Variants in ADGRL2 observed in about 807,000 individuals in gnomAD.
The protein encoded by ADGRL2 is calcium-independent alpha-latrotoxin receptor 2.
In ADGRL2, 44 loss-of-function variants were observed where a neutral mutation model predicts 157.4. The observed-to-expected ratio is 0.28, with a 90% CI of 0.22 to 0.36. The LOEUF (loss-of-function observed/expected upper bound fraction) is 0.36. ADGRL2 is among the 10% of genes least tolerant of loss of function. The pLI, the probability that ADGRL2 is intolerant of heterozygous loss-of-function variation, is 1.00. For missense variants in ADGRL2, 1,510 were observed against 1,768.9 expected (o/e 0.85, Z 2.63); for synonymous variants, 585 against 624.7 (o/e 0.94, Z 0.95).
chr1:81,608,640 A>G (rs113348237), intron 3 of ADGRL2, among the ~76,000 whole-genome samples: 1,561 of 152,226 alleles, frequency 0.01, 23 homozygotes, highest in African/African-American at 0.035. Flanking sequence ...TTTAGCCCCT[A>G]TGTTTTTCTT....
intron 1 of ADGRL2, among the ~76,000 whole-genome samples, chr1:81,817,099 C>T (rs1221666406): frequency 6.6e-6 from 1 of 151,928 alleles, no homozygotes; most frequent in Non-Finnish European, 1.5e-5. Flanking sequence ...TCACACTTCT[C>T]CCACGCTCCT....
intron 1 of ADGRL2, among the ~76,000 whole-genome samples, chr1:81,368,454 C>A (rs1053584484): frequency 3.3e-5 from 5 of 152,162 alleles, no homozygotes; most frequent in Non-Finnish European, 7.3e-5. Flanking sequence ...CTATCTCTAC[C>A]TCCACTGGCC....
intron 1 of ADGRL2, among the ~76,000 whole-genome samples, chr1:81,361,644 T>C (rs1056448528): frequency 1.3e-5 from 2 of 151,902 alleles, no homozygotes; most frequent in Non-Finnish European, 2.9e-5. Flanking sequence ...CTTAGAAAAA[T>C]AAGCAATCTG....
chr1:81,733,933 T>A (rs1359458735), intron 1 of ADGRL2, among the ~76,000 whole-genome samples: 1 of 152,092 alleles, frequency 6.6e-6, no homozygotes. Flanking sequence ...CAAACCTCCA[T>A]GACACAAGCT....
chr1:81,559,298 T>G (rs1224473317), intron 2 of ADGRL2, among the ~76,000 whole-genome samples: 3 of 152,174 alleles, frequency 2.0e-5, no homozygotes, highest in Non-Finnish European at 4.4e-5. Context: ...TACTCTAATC[T>G]TGGTGAGAGA....
intron 6 of ADGRL2, among the ~76,000 whole-genome samples, chr1:81,944,055 G>A (rs897214978): frequency 1.3e-5 from 2 of 151,610 alleles, no homozygotes; most frequent in Non-Finnish European, 2.9e-5. Context: ...TTTTTTGTTT[G>A]GTTGTTTTCC....
chr1:81,489,681 A>G (rs989082229), intron 2 of ADGRL2, among the ~76,000 whole-genome samples: 5 of 152,228 alleles, frequency 3.3e-5, no homozygotes, highest in African/African-American at 1.2e-4. Context: ...TAAACTTTTG[A>G]TTGAAAGACA....
chr1:81,479,003 T>C (rs2078329539), intron 2 of ADGRL2, among the ~76,000 whole-genome samples: 1 of 152,192 alleles, frequency 6.6e-6, no homozygotes, highest in East Asian at 1.9e-4. Context: ...ATACAGTTAT[T>C]GCACCATCAG....
intron 2 of ADGRL2, among the ~76,000 whole-genome samples, chr1:81,791,082 A>AAG (rs2087318893): frequency 6.6e-6 from 1 of 151,124 alleles, no homozygotes; most frequent in East Asian, 1.9e-4. Context: ...AAAAAAAAAA[A>AAG]AAAAAAAAAA....
intron 2 of ADGRL2, among the ~76,000 whole-genome samples, chr1:81,517,063 A>G (rs2079194654): frequency 6.6e-6 from 1 of 152,198 alleles, no homozygotes; most frequent in Admixed American, 6.5e-5. Context: ...ATTAAGAATC[A>G]TATTCTGCTA....
chr1:81,983,032 T>C (rs1003133694), intron 19 of ADGRL2, among the ~76,000 whole-genome samples: 2 of 151,928 alleles, frequency 1.3e-5, no homozygotes, highest in African/African-American at 4.8e-5. Context: ...CTTTGGCTTT[T>C]ATATATTTCC....
At chr1:81,726,418 C>G (rs2084531181) in intron 1 of ADGRL2, among the ~76,000 whole-genome samples, 1 of 152,166 alleles carries the variant, frequency 6.6e-6, no homozygotes, top group Non-Finnish European at 1.5e-5. Flanking sequence ...AACAACTAGT[C>G]ATGTGTGGCT....
At chr1:81,643,588 C>T (rs71646940) in intron 3 of ADGRL2, among the ~76,000 whole-genome samples, 17,716 of 152,110 alleles carry the variant, frequency 0.12, 1,121 homozygotes, top group Middle Eastern at 0.16. Flanking sequence ...GGATTATAAG[C>T]GTAAGCCACC....
At chr1:81,718,015 C>T (rs1158073325) in intron 1 of ADGRL2, among the ~76,000 whole-genome samples, 5 of 152,186 alleles carry the variant, frequency 3.3e-5, no homozygotes, top group Admixed American at 1.3e-4. Context: ...GCACACCTCT[C>T]TGGCACTGCC....
At chr1:81,629,280 TA>T (rs1557519214) in intron 3 of ADGRL2, among the ~76,000 whole-genome samples, 1 of 152,192 alleles carries the variant, frequency 6.6e-6, no homozygotes, top group Non-Finnish European at 1.5e-5. Context: ...GGCAGTTAAA[TA>T]TATTTTTCCT....
intron 1 of ADGRL2, among the ~76,000 whole-genome samples, chr1:81,750,436 T>C (rs2085453005): frequency 6.6e-6 from 1 of 152,076 alleles, no homozygotes; most frequent in Non-Finnish European, 1.5e-5. Flanking sequence ...AGAGAAAGTA[T>C]GGCTGGGCCA....
intron 13 of ADGRL2, among the ~76,000 whole-genome samples, chr1:81,967,148 G>A (rs1485387411): frequency 6.6e-6 from 1 of 152,110 alleles, no homozygotes; most frequent in Non-Finnish European, 1.5e-5. Context: ...ATGTTTGGCT[G>A]TTGTGATAAG....
At chr1:81,717,102 G>A (rs1186707881) in intron 1 of ADGRL2, among the ~76,000 whole-genome samples, 1 of 152,182 alleles carries the variant, frequency 6.6e-6, no homozygotes, top group Non-Finnish European at 1.5e-5. Context: ...GGTTGGTCAT[G>A]TTGTCTCCAT....
intron 1 of ADGRL2, among the ~76,000 whole-genome samples, chr1:81,330,961 A>G (rs1264236695): frequency 6.6e-6 from 1 of 152,212 alleles, no homozygotes; most frequent in Non-Finnish European, 1.5e-5. Flanking sequence ...TTGGCTGATA[A>G]GTACATATGT....
Sources: allele counts gnomAD v4.1 joint callset (sites outside exome capture counted in the v4.1 genomes callset), GRCh38; gene constraint gnomAD v4.1.1; transcripts MANE v1.5; gene names NCBI Gene and HGNC (gene_info 2026-07-23, HGNC 2026-07-21).